Variants in NRIP1 observed in about 807,000 individuals in gnomAD.
NRIP1 encodes nuclear receptor-interacting protein 1.
In NRIP1, 28 loss-of-function variants were observed where a neutral mutation model predicts 75.0. That is an observed-to-expected ratio of 0.37 (90% confidence interval 0.28 to 0.51). The LOEUF (loss-of-function observed/expected upper bound fraction) is 0.51, where lower values mean the gene tolerates loss of function less well. Among genes scored for constraint, NRIP1 ranks in the 20% least tolerant of loss-of-function variants. NRIP1 has a pLI of 0.92. For synonymous variants in NRIP1, 526 were observed against 487.6 expected (o/e 1.08, Z -1.04); for missense variants, 1,435 against 1,343.7 (o/e 1.07, Z -1.06).
At chr21:15,038,015 A>G (rs978305841) in intron 2 of NRIP1, among the ~76,000 whole-genome samples, 2 of 152,130 alleles carry the variant, frequency 1.3e-5, no homozygotes, top group African/African-American at 4.8e-5. Context: ...ACCAAAACTC[A>G]TAATTCTTCC....
At chr21:15,055,205 G>C (rs2089280931) in intron 1 of NRIP1, among the ~76,000 whole-genome samples, 1 of 152,112 alleles carries the variant, frequency 6.6e-6, no homozygotes, top group African/African-American at 2.4e-5. Context: ...TATGTTTCCA[G>C]TTGAACCAAC....
At chr21:14,973,152 T>C (rs988270090) in intron 3 of NRIP1, among the ~76,000 whole-genome samples, 4 of 152,168 alleles carry the variant, frequency 2.6e-5, no homozygotes, top group African/African-American at 9.7e-5. Flanking sequence ...TTTACTTGTA[T>C]GGTATATACT....
chr21:15,036,785 G>A lies in NRIP1; in HGVS notation c.-458+6710C>T, dbSNP rs760644293. On this transcript the variant is annotated intron_variant, in intron 2 of 3. Coordinates refer to ENST00000318948, the MANE Select transcript of NRIP1 (RefSeq NM_003489.4). ...TACTCTTAAGAAATAGAATTGAAAA[G>A]GTTGGGTTTATCTTGAAGAAATTTA... 5.9e-5 allele frequency among the ~76,000 whole-genome samples: 9 copies of A among 152,096 alleles called. No individual in the cohort carries two copies. The South Asian group carries it at 8.3e-4, about 14-fold the overall frequency.
chr21:15,022,973 T>C (rs2088415350), intron 2 of NRIP1, among the ~76,000 whole-genome samples: 1 of 152,152 alleles, frequency 6.6e-6, no homozygotes, highest in South Asian at 2.1e-4. Context: ...AGCCAATCAC[T>C]AAAAATCACG....
intron 2 of NRIP1, among the ~76,000 whole-genome samples, chr21:15,042,640 C>T (rs2088982679): frequency 1.3e-5 from 2 of 152,196 alleles, no homozygotes; most frequent in Non-Finnish European, 2.9e-5. Flanking sequence ...TGGCCACCTC[C>T]ACCCATGTGA....
Position 14,965,933 on chromosome 21 carries a change from T to C in NRIP1, c.2260A>G (p.Lys754Glu). ...TCATCACAAGGCTCAGATTTTATTT[T>C]CACCATCAGTATTTGTTCACTTAAA... Reference protein sequence around the residue: ...RALSEQILMVKIKSEPCDDLQ... With the variant: ...RALSEQILMVEIKSEPCDDLQ... Residue 754 changes from lysine (K) to glutamate (E), a missense_variant, in exon 4 of 4, where the codon AAA (lysine) becomes GAA (glutamate). Transcript: ENST00000318948. The C allele has an allele frequency of 6.2e-7, 1 of 1,614,134 alleles. No individual in the cohort carries two copies. The highest frequency in any genetic ancestry group is 8.5e-7 in the Non-Finnish European group (1 of 1,179,984).
At position 14,966,556 on chromosome 21, in the gene NRIP1, T is replaced by G. The variant is rs1288450440; in HGVS notation, c.1637A>C (p.Asn546Thr). Residue 546 changes from asparagine to threonine, a missense_variant, in exon 4 of 4, where the codon AAT becomes ACT. Transcript: ENST00000318948. ...TGGAGTGCTCACTGGAGTAGTCCGA[T>G]TTGTACTGGGGCTTTCTATCACAGA... ...RTSVIESPST[N>T]RTTPVSTPPL... The G allele has an allele frequency of 4.3e-6, 7 of 1,614,064 alleles. No individual in the cohort carries two copies. The East Asian group carries it at 1.3e-4, about 31-fold the overall frequency.
At chr21:15,001,290 AGG>A (rs2087843598) in intron 3 of NRIP1, among the ~76,000 whole-genome samples, 1 of 152,196 alleles carries the variant, frequency 6.6e-6, no homozygotes, top group African/African-American at 2.4e-5. Flanking sequence ...GGGACAGAAG[AGG>A]GAAAAGGGCA....
upstream of NRIP1, among the ~76,000 whole-genome samples, chr21:15,065,508 A>G (rs1417497629): frequency 1.7e-4 from 26 of 151,924 alleles, no homozygotes; most frequent in Admixed American, 1.6e-3. Context: ...GCCTGCCTTA[A>G]GCGTCTACCT....
At chr21:14,983,118 A>G (rs2087291402) in intron 3 of NRIP1, among the ~76,000 whole-genome samples, 1 of 152,146 alleles carries the variant, frequency 6.6e-6, no homozygotes, top group African/African-American at 2.4e-5. Flanking sequence ...TTAAATCAAA[A>G]GCTAGAAATG....
chr21:15,033,302 T>C (rs1233685926), intron 2 of NRIP1, among the ~76,000 whole-genome samples: 2 of 151,034 alleles, frequency 1.3e-5, no homozygotes, highest in Non-Finnish European at 2.9e-5. Context: ...AATTCCTATA[T>C]GGTAATTCTC....
intron 2 of NRIP1, among the ~76,000 whole-genome samples, chr21:15,026,819 A>T (rs1016756103): frequency 9.2e-5 from 14 of 152,170 alleles, no homozygotes; most frequent in Non-Finnish European, 1.5e-5. Flanking sequence ...AGTATAAATA[A>T]ATTTCAAAAA....
chr21:15,032,269 C>T (rs904300430), intron 2 of NRIP1, among the ~76,000 whole-genome samples: 1 of 152,226 alleles, frequency 6.6e-6, no homozygotes, highest in African/African-American at 2.4e-5. Context: ...TAACAAACCA[C>T]ACACTGCCTC....
At chr21:15,028,776 A>G (rs1438702760) in intron 2 of NRIP1, among the ~76,000 whole-genome samples, 2 of 152,188 alleles carry the variant, frequency 1.3e-5, no homozygotes, top group Non-Finnish European at 2.9e-5. Context: ...TTGAAATTAC[A>G]TACTTTTAAA....
rs139218138 is a variant in NRIP1 at position 14,966,064 on chromosome 21, C to T, written c.2129G>A (p.Arg710His). 20 of 1,612,432 alleles carry T rather than the reference C, an allele frequency of 1.2e-5. No homozygotes were observed. The highest frequency in any genetic ancestry group is 2.7e-5 in the African/African-American group (2 of 74,884). Residue 710 changes from arginine to histidine, a missense_variant, in exon 4 of 4, where the codon CGT becomes CAT. Coordinates refer to ENST00000318948, the MANE Select transcript of NRIP1 (RefSeq NM_003489.4). The part of the protein sequence containing the change: ...GSEIENLLER[R>H]TVLQLLLGNP... ...CCCCAGGAGCAACTGGAGGACAGTA[C>T]GTCTTTCAAGCAGATTTTCTATTTC...
chr21:14,983,165 C>G (rs1391081810), intron 3 of NRIP1, among the ~76,000 whole-genome samples: 2 of 151,032 alleles, frequency 1.3e-5, no homozygotes, highest in Non-Finnish European at 2.9e-5. Context: ...AAAGCCAAGA[C>G]AGGCCAAAAG....
chr21:14,981,485 C>A (rs2087232113), intron 3 of NRIP1, among the ~76,000 whole-genome samples: 1 of 152,180 alleles, frequency 6.6e-6, no homozygotes, highest in South Asian at 2.1e-4. Flanking sequence ...ACCTGCCACT[C>A]ATAGTCAGAT....
chr21:15,031,936 G>A (rs2823011), intron 2 of NRIP1, among the ~76,000 whole-genome samples: 43,269 of 150,466 alleles, frequency 0.29, 7,472 homozygotes, highest in South Asian at 0.45. Context: ...CACTCTGAAA[G>A]GTGCTCAAAG....
intron 3 of NRIP1, among the ~76,000 whole-genome samples, chr21:14,979,917 ATTAAC>A (rs966836534): frequency 6.6e-6 from 1 of 152,174 alleles, no homozygotes; most frequent in African/African-American, 2.4e-5. Context: ...CAATTTTAAA[ATTAAC>A]TTAACTTGCA....
Sources: gnomAD v4.1 joint callset for allele counts (sites outside exome capture counted in the v4.1 genomes callset) on GRCh38, gnomAD v4.1.1 for gene constraint, MANE v1.5 for transcripts, NCBI Gene and HGNC (gene_info 2026-07-23, HGNC 2026-07-21) for gene names.